ASTN2: variants seen among roughly 807,000 people sequenced by gnomAD.
The protein encoded by ASTN2 is astrotactin 2, also known as astrotactin-2.
Under a neutral mutation model 139.8 loss-of-function variants are expected in ASTN2, and 54 were observed. The observed-to-expected ratio is 0.39, with a 90% CI of 0.31 to 0.48. The LOEUF (loss-of-function observed/expected upper bound fraction) is 0.48. Among genes scored for constraint, ASTN2 ranks in the 20% least tolerant of loss-of-function variants. The pLI is 0.95. For missense variants in ASTN2, 1,565 were observed against 1,725.1 expected (o/e 0.91, Z 1.64); for synonymous variants, 756 against 719.5 (o/e 1.05, Z -0.81).
chr9:117,025,611 A>T (rs1385234493), intron 6 of ASTN2, among the ~76,000 whole-genome samples: 1 of 152,082 alleles, frequency 6.6e-6, no homozygotes, highest in Non-Finnish European at 1.5e-5. Context: ...ACCCTGGTTC[A>T]AATACTGCAG....
At chr9:116,907,641 C>T (rs946708197) in intron 10 of ASTN2, among the ~76,000 whole-genome samples, 3 of 152,152 alleles carry the variant, frequency 2.0e-5, no homozygotes, top group Admixed American at 2.0e-4. Context: ...TATCCGTTAC[C>T]AACACCTGTA....
chr9:116,553,912 T>A (rs895225348), intron 19 of ASTN2, among the ~76,000 whole-genome samples: 8 of 152,204 alleles, frequency 5.3e-5, no homozygotes, highest in African/African-American at 1.7e-4. Flanking sequence ...TTCTATTAGC[T>A]ATGGGTGGAT....
At chr9:116,783,265 CCTTCCT>C (rs1830268895) in intron 13 of ASTN2, among the ~76,000 whole-genome samples, 2 of 23,920 alleles carry the variant, frequency 8.4e-5, no homozygotes, top group Non-Finnish European at 1.6e-4. Flanking sequence ...TAAAATCTTT[CCTTCCT>C]TCCTTCCTTC....
chr9:116,872,041 T>C (rs1282478125), intron 10 of ASTN2, among the ~76,000 whole-genome samples: 1 of 152,116 alleles, frequency 6.6e-6, no homozygotes, highest in Non-Finnish European at 1.5e-5. Context: ...CTTGGCTCAC[T>C]GCAACCTCCG....
intron 13 of ASTN2, among the ~76,000 whole-genome samples, chr9:116,769,087 G>A (rs548714519): frequency 6.6e-6 from 1 of 152,294 alleles, no homozygotes; most frequent in African/African-American, 2.4e-5. Flanking sequence ...CTGAAAGTCT[G>A]TAGCCCAGAG....
chr9:117,114,469 T>TA (rs1829329025), intron 4 of ASTN2, among the ~76,000 whole-genome samples: 1 of 152,202 alleles, frequency 6.6e-6, no homozygotes, highest in Non-Finnish European at 1.5e-5. Flanking sequence ...CCCTCATTGA[T>TA]ACACTGCATT....
At chr9:117,052,160 G>A (rs1472668912) in intron 5 of ASTN2, among the ~76,000 whole-genome samples, 5 of 152,128 alleles carry the variant, frequency 3.3e-5, no homozygotes, top group Non-Finnish European at 7.4e-5. Flanking sequence ...TTAAATAGTG[G>A]CTGGGCATGG....
At chr9:117,287,882 C>T (rs1224886420) in intron 2 of ASTN2, among the ~76,000 whole-genome samples, 2 of 152,166 alleles carry the variant, frequency 1.3e-5, no homozygotes, top group African/African-American at 4.8e-5. Context: ...CTTTTCTCCA[C>T]TCTTTTCAAT....
intron 16 of ASTN2, among the ~76,000 whole-genome samples, chr9:116,690,444 C>A (rs1860508129): frequency 6.6e-6 from 1 of 152,180 alleles, no homozygotes; most frequent in Admixed American, 6.5e-5. Context: ...CCCTTCAGAG[C>A]CCCTATGTTT....
chr9:117,003,394 ATATCCTGGCTTTG>A (rs1393572151), intron 7 of ASTN2, among the ~76,000 whole-genome samples: 1 of 152,076 alleles, frequency 6.6e-6, no homozygotes, highest in African/African-American at 2.4e-5. Flanking sequence ...ACCTGGCTTT[ATATCCTGGCTTTG>A]CAGTTTGCCA....
intron 16 of ASTN2, among the ~76,000 whole-genome samples, chr9:116,653,782 C>T (rs1222080709): frequency 2.0e-5 from 3 of 152,238 alleles, no homozygotes; most frequent in Non-Finnish European, 4.4e-5. Context: ...ATTCATTACT[C>T]TCTGGGCCCT....
chr9:117,046,492 G>A (rs1375397048), intron 5 of ASTN2, among the ~76,000 whole-genome samples: 3 of 152,144 alleles, frequency 2.0e-5, no homozygotes, highest in Non-Finnish European at 2.9e-5. Context: ...TAAGCACCAT[G>A]TCTGACATAT....
intron 22 of ASTN2, among the ~76,000 whole-genome samples, chr9:116,430,892 C>A (rs1304301596): frequency 6.6e-6 from 1 of 152,168 alleles, no homozygotes; most frequent in African/African-American, 2.4e-5. Flanking sequence ...AATGGAGATC[C>A]ATAAATCAAA....
chr9:116,489,422 T>C lies in ASTN2; in HGVS notation c.3356-1922A>G, dbSNP rs1286197784. 3.9e-5 allele frequency among the ~76,000 whole-genome samples: 6 copies of C among 152,268 alleles called. No homozygotes were observed. The South Asian group carries it at 1.2e-3, about 32-fold the overall frequency. ...TGCAACCTCAGCTCATTGAAGCCTC[T>C]GCCCCGCAGGCTCAAGAGGTCCTCC... On this transcript the variant is annotated intron_variant, in intron 19 of 22. Coordinates refer to ENST00000313400, the MANE Select transcript of ASTN2 (RefSeq NM_001365068.1).
intron 13 of ASTN2, among the ~76,000 whole-genome samples, chr9:116,745,226 C>T (rs1338644696): frequency 6.6e-6 from 1 of 152,172 alleles, no homozygotes; most frequent in Non-Finnish European, 1.5e-5. Context: ...GGACTGACTA[C>T]CAATCCCTAT....
At chr9:116,570,885 G>A (rs1234344697) in intron 19 of ASTN2, among the ~76,000 whole-genome samples, 8 of 152,146 alleles carry the variant, frequency 5.3e-5, no homozygotes, top group Non-Finnish European at 8.8e-5. Flanking sequence ...GTCTTTTCTG[G>A]CAGAACAAGC....
At chr9:117,115,574 T>C (rs1829363501) in intron 4 of ASTN2, among the ~76,000 whole-genome samples, 2 of 152,078 alleles carry the variant, frequency 1.3e-5, no homozygotes. Context: ...TCACAAGTCT[T>C]AAGTGAGATA....
intron 1 of ASTN2, among the ~76,000 whole-genome samples, chr9:117,298,886 C>G (rs762735108): frequency 6.6e-6 from 1 of 151,766 alleles, no homozygotes; most frequent in South Asian, 2.1e-4. Context: ...TTAATTGAGC[C>G]GTCCCATATT....
At chr9:116,511,341 C>A (rs536847667) in intron 19 of ASTN2, among the ~76,000 whole-genome samples, 1 of 152,278 alleles carries the variant, frequency 6.6e-6, no homozygotes, top group African/African-American at 2.4e-5. Context: ...CCTTGCATCC[C>A]AGGGATGAAG....
Sources: gnomAD v4.1 joint callset for allele counts (sites outside exome capture counted in the v4.1 genomes callset) on GRCh38, gnomAD v4.1.1 for gene constraint, MANE v1.5 for transcripts, NCBI Gene and HGNC (gene_info 2026-07-23, HGNC 2026-07-21) for gene names.